RNF207: variants seen among roughly 807,000 people sequenced by gnomAD.
The protein encoded by RNF207 is ring finger protein 207, also known as OTTHUMG00000001089.
A neutral mutation model predicts 79.0 loss-of-function variants in RNF207; 72 were observed. The ratio of observed to expected loss-of-function variants is 0.91; its 90% CI spans 0.75 to 1.11. The LOEUF (loss-of-function observed/expected upper bound fraction) is 1.11, where lower values mean the gene tolerates loss of function less well. RNF207 is among the 50% of genes least tolerant of loss of function. RNF207 has a pLI of 0.00. For missense variants in RNF207, 936 were observed against 855.8 expected (o/e 1.09, Z -1.17); for synonymous variants, 348 against 366.2 (o/e 0.95, Z 0.57).
At position 6,210,277 on chromosome 1, in the gene RNF207, C is replaced by G; in HGVS notation, c.855C>G (p.Thr285=). 6.2e-7 allele frequency: 1 copy of G among 1,613,970 alleles called. No individual in the cohort carries two copies. Among genetic ancestry groups the G allele is most frequent in the East Asian group, 2.2e-5 (1 of 44,870 alleles). ...AFKEQLSHLA[T]LLPTLQVHLV... is the part of the protein sequence containing the mutation. ...AGGAGCAGCTCTCTCACTTGGCCAC[C>G]TTGCTGCCCACCCTGCAGGTACAGG... Residue 285 remains threonine (T), a synonymous_variant, in exon 9 of 18, where the codon ACC becomes ACG. Transcript: ENST00000377939.
chr1:6,212,600 G>T, intron 14 of RNF207, 82 bp from the exon 15 acceptor site: 1 of 1,357,024 alleles, frequency 7.4e-7, no homozygotes, highest in South Asian at 1.2e-5. Flanking sequence ...GTGCTTTGTA[G>T]ATCTGAGTAG....
Position 6,212,033 on chromosome 1 carries a change from C to T in RNF207, c.1276C>T (p.His426Tyr). The T allele has an allele frequency of 6.2e-7, 1 of 1,601,976 alleles. No individual in the cohort carries two copies. Among genetic ancestry groups the T allele is most frequent in the African/African-American group, 1.3e-5 (1 of 74,750 alleles). ...CACGCCCTTCGCAGAGCACTGCCGC[C>T]ACTATGAGGACTCCTACCGGGTGAG... The part of the protein sequence containing the change: ...ENTPFAEHCR[H>Y]YEDSYRHLQA... The change falls in exon 13 of 18, where the codon CAC becomes TAC. Residue 426 changes from histidine to tyrosine, a missense_variant. His to Tyr is a moderately conservative substitution (Grantham distance 83). Coordinates refer to ENST00000377939, the MANE Select transcript of RNF207 (RefSeq NM_207396.3).
intron 17 of RNF207, among the ~76,000 whole-genome samples, chr1:6,218,773 A>C (rs1668450224): frequency 6.6e-6 from 1 of 152,160 alleles, no homozygotes; most frequent in Non-Finnish European, 1.5e-5. Context: ...AACACCTACG[A>C]CACAGTCACA....
chr1:6,218,887 C>T (rs1271428541), intron 17 of RNF207, among the ~76,000 whole-genome samples: 1 of 152,194 alleles, frequency 6.6e-6, no homozygotes. Flanking sequence ...CAGAGGGTTG[C>T]TGAAGTGGCC....
At position 6,207,554 on chromosome 1, in the gene RNF207, G is replaced by A. The variant is rs374244325; in HGVS notation, c.324+43G>A. ...GGTGGGTGAGGAGCAGAGGGTACCC[G>A]GTTGCACAGTCCCCAATGCTTGCAC... On this transcript the variant is annotated intron_variant, in intron 3 of 17. Coordinates refer to ENST00000377939, the MANE Select transcript of RNF207 (RefSeq NM_207396.3). The surrounding 1 kb of genome is among the most constrained non-coding windows in gnomAD (Gnocchi z 4.5). 1.9e-5 allele frequency: 29 copies of A among 1,563,366 alleles called. No homozygotes were observed. In the African/African-American group the frequency reaches 3.5e-4, roughly 19 times the overall value.
rs1373087541 is a variant in RNF207, at chr1:6,220,747, C to G, written c.*1340C>G. 6.6e-6 allele frequency: 1 copy of G among 152,210 alleles called. No individual in the cohort carries two copies. The highest frequency in any genetic ancestry group is 2.4e-5 in the African/African-American group (1 of 41,454). The allele number at this position is 152,210 out of a possible 1,614,324, so 9.4% of individuals were successfully genotyped here. On this transcript the variant is annotated 3_prime_UTR_variant, in exon 18 of 18. Transcript: ENST00000377939. ...GTTTTTTCCCAGCAGTTTTCCATTT[C>G]TCCACAGTATCCTTTTCATTTAGAG...
At chr1:6,212,554 CTT>C in intron 14 of RNF207, 126 bp from the exon 15 acceptor site, 1 of 1,246,534 alleles carries the variant, frequency 8.0e-7, no homozygotes, top group Non-Finnish European at 1.2e-6. Context: ...AACTGGGAGT[CTT>C]TGCTGCTTGG....
At position 6,219,293 on chromosome 1, in the gene RNF207, C is replaced by G. The variant is rs768916223; in HGVS notation, c.1791C>G (p.Asn597Lys). ...AGAAGACATCAGAGCCTAAAGGAAACAGCTGGGCTCCGAACGGCCTCTCAG... is the reference window on the plus strand; with the variant it reads ...AGAAGACATCAGAGCCTAAAGGAAAGAGCTGGGCTCCGAACGGCCTCTCAG... ...KREKTSEPKG[N>K]SWAPNGLSEE... The change falls in exon 18 of 18, where the codon AAC becomes AAG. Residue 597 changes from asparagine to lysine, a missense_variant. Transcript: ENST00000377939. The G allele has an allele frequency of 3.1e-6, 5 of 1,613,710 alleles. No individual in the cohort carries two copies. The highest frequency in any genetic ancestry group is 4.2e-6 in the Non-Finnish European group (5 of 1,179,840).
At position 6,220,684 on chromosome 1, in the gene RNF207, T is replaced by C. The variant is rs572892381; in HGVS notation, c.*1277T>C. 1 of 152,222 alleles carries C rather than the reference T, an allele frequency of 6.6e-6. No individual in the cohort carries two copies. Among genetic ancestry groups the C allele is most frequent in the African/African-American group, 2.4e-5 (1 of 41,468 alleles). The allele number at this position is 152,222 out of a possible 1,614,324, so 9.4% of individuals were successfully genotyped here. ...CCCTCCTGAGTCCGACTTCCGTTGATAGCAAGGCACTGGGTGGCAGCAACC... is the reference window on the plus strand; with the variant it reads ...CCCTCCTGAGTCCGACTTCCGTTGACAGCAAGGCACTGGGTGGCAGCAACC... On this transcript the variant is annotated 3_prime_UTR_variant, in exon 18 of 18. Coordinates refer to ENST00000377939, the MANE Select transcript of RNF207 (RefSeq NM_207396.3).
intron 7 of RNF207, 133 bp downstream of exon 7, chr1:6,209,672 G>T: frequency 1.7e-6 from 2 of 1,194,854 alleles, no homozygotes; most frequent in Non-Finnish European, 2.2e-6. Flanking sequence ...GAGTTGCTAG[G>T]AGAGCTGGGA....
rs1668405950 is a variant in RNF207, at chr1:6,217,704, T to C, written c.1653-585T>C. On this transcript the variant is annotated intron_variant, in intron 16 of 17. Coordinates refer to ENST00000377939, the MANE Select transcript of RNF207 (RefSeq NM_207396.3). The surrounding 1 kb of genome is among the most constrained non-coding windows in gnomAD (Gnocchi z 4.2). ...CCCGCTTTGGTCTCTATTGCTCCCC[T>C]GAATCCAGATCATCATGGCCAACCC... 6.6e-6 allele frequency among the ~76,000 whole-genome samples: 1 copy of C among 152,154 alleles called. No individual in the cohort carries two copies. Among genetic ancestry groups the C allele is most frequent in the African/African-American group, 2.4e-5 (1 of 41,440 alleles).
chr1:6,206,821 A>T (rs1034912814), intron 2 of RNF207, 95 bp downstream of exon 2: 2 of 1,030,802 alleles, frequency 1.9e-6, no homozygotes, highest in African/African-American at 3.3e-5. Flanking sequence ...CCAGGAGAGT[A>T]AGGCTCCAAC....
chr1:6,209,169 G>A lies in RNF207; in HGVS notation c.524G>A (p.Cys175Tyr), dbSNP rs752427333. ...LFSTDKKLLL[C>Y]IRCFRDMQKE... ...TCCACCGACAAGAAGTTGCTGTTGT[G>A]CATCCGCTGCTTCCGCGACATGCAG... Residue 175 changes from cysteine (C) to tyrosine (Y), a missense_variant, in exon 5 of 18, where the codon TGC (cysteine) becomes TAC (tyrosine). Physicochemically the swap from Cys to Tyr is radical, Grantham distance 194. Transcript: ENST00000377939. The A allele has an allele frequency of 6.4e-7, 1 of 1,556,692 alleles. No individual in the cohort carries two copies. Among genetic ancestry groups the A allele is most frequent in the Non-Finnish European group, 8.7e-7 (1 of 1,149,718 alleles).
chr1:6,214,608 G>A (rs1160989213), intron 16 of RNF207, among the ~76,000 whole-genome samples: 13 of 139,064 alleles, frequency 9.3e-5, no homozygotes, highest in African/African-American at 3.4e-4. Flanking sequence ...TTGCCAAGTT[G>A]GCCAGGCTGG....
intron 10 of RNF207, 116 bp downstream of exon 10, chr1:6,210,554 C>T (rs1478431240): frequency 1.6e-5 from 12 of 757,890 alleles, no homozygotes; most frequent in African/African-American, 1.6e-4. Context: ...CCAGGGATCT[C>T]GGGGCTGACC....
In RNF207 at chr1:6,209,216, G is replaced by T. The variant is rs745984580; in HGVS notation, c.551+20G>T. On this transcript the variant is annotated intron_variant, in intron 5 of 17. Coordinates refer to ENST00000377939, the MANE Select transcript of RNF207 (RefSeq NM_207396.3). ...GCAGAAGTGCGTACAGGGGACGCGAGGGGAGGGGGCTGGGGGCCGCTGGAG... is the reference window on the plus strand; with the variant it reads ...GCAGAAGTGCGTACAGGGGACGCGATGGGAGGGGGCTGGGGGCCGCTGGAG... The T allele has an allele frequency of 1.1e-5, 17 of 1,550,902 alleles. No individual in the cohort carries two copies. The highest frequency in any genetic ancestry group is 1.4e-5 in the Non-Finnish European group (16 of 1,147,138).
At chr1:6,213,263 G>C in intron 16 of RNF207, 80 bp downstream of exon 16, 1 of 906,128 alleles carries the variant, frequency 1.1e-6, no homozygotes, top group South Asian at 1.5e-5. Flanking sequence ...GCTCACGCCT[G>C]TAATCCTAAC....
rs749791707 is a variant in RNF207, at chr1:6,207,387, C to T, written c.200C>T (p.Thr67Met). Residue 67 changes from threonine (T) to methionine (M), a missense_variant, in exon 3 of 18, where the codon ACG becomes ATG. Coordinates refer to ENST00000377939, the MANE Select transcript of RNF207 (RefSeq NM_207396.3). This position sits in a 1 kb window ranked among gnomAD's most constrained non-coding sequence, Gnocchi z 4.5. ...CCTGGGCTTCTCTGCAGACACCAGACGGTGCTGAAGGGTCCCAGCGGGCTC... is the reference window on the plus strand; with the variant it reads ...CCTGGGCTTCTCTGCAGACACCAGATGGTGCTGAAGGGTCCCAGCGGGCTC... Reference protein sequence around the residue: ...RLTCPLCQHQTVLKGPSGLPP... With the variant: ...RLTCPLCQHQMVLKGPSGLPP... 70 of 1,516,874 alleles carry T rather than the reference C, an allele frequency of 4.6e-5. No individual in the cohort carries two copies. Among genetic ancestry groups the T allele is most frequent in the Non-Finnish European group, 5.8e-5 (66 of 1,132,150 alleles). The allele number at this position is 1,516,874 out of a possible 1,614,324, so 94.0% of individuals were successfully genotyped here. A position where few individuals can be genotyped will look rare whatever the true frequency, so the allele number is the denominator to read the frequency against.
chr1:6,212,420 G>T lies in RNF207; in HGVS notation c.1482+4G>T. On this transcript the variant is annotated splice_donor_region_variant and intron_variant, in intron 14 of 17. Transcript: ENST00000377939. The stretch of plus-strand genomic sequence containing the variant: ...CATGAGGGTCGTCTTCCAGGAGGTA[G>T]CCCTCCCAAGGACTCTAACTCCAGC... The T allele has an allele frequency of 6.2e-7, 1 of 1,603,840 alleles. No individual in the cohort carries two copies. The highest frequency in any genetic ancestry group is 8.5e-7 in the Non-Finnish European group (1 of 1,175,166).
Sources: gnomAD v4.1 joint callset for allele counts (sites outside exome capture counted in the v4.1 genomes callset) on GRCh38, gnomAD v4.1.1 for gene constraint, Gnocchi (gnomAD v3.1) non-coding constraint, MANE v1.5 for transcripts, NCBI Gene and HGNC (gene_info 2026-07-23, HGNC 2026-07-21) for gene names.